DLG2: variants seen among roughly 807,000 people sequenced by gnomAD.
DLG2 encodes discs large MAGUK scaffold protein 2.
In DLG2, 45 loss-of-function variants were observed where a neutral mutation model predicts 132.5. The observed-to-expected ratio is 0.34, with a 90% CI of 0.27 to 0.44. The LOEUF is 0.44. Ranked by LOEUF, DLG2 falls within the 20% of genes least tolerant of loss-of-function variation. The pLI is 1.00. For missense variants in DLG2, 1,045 were observed against 1,196.9 expected (o/e 0.87, Z 1.87); for synonymous variants, 424 against 419.6 (o/e 1.01, Z -0.13).
chr11:85,527,306 C>T (rs2074844989), intron 3 of DLG2, among the ~76,000 whole-genome samples: 1 of 151,826 alleles, frequency 6.6e-6, no homozygotes, highest in Non-Finnish European at 1.5e-5. Context: ...TTTTAAGCCC[C>T]ACATGCATTA....
intron 6 of DLG2, among the ~76,000 whole-genome samples, chr11:85,094,972 A>T (rs2069477477): frequency 6.6e-6 from 1 of 152,182 alleles, no homozygotes; most frequent in Admixed American, 6.5e-5. Flanking sequence ...GGCCATTGTA[A>T]GGTTATTACC....
chr11:84,809,117 C>T (rs559075253), intron 6 of DLG2, among the ~76,000 whole-genome samples: 6 of 152,032 alleles, frequency 3.9e-5, no homozygotes, highest in Non-Finnish European at 8.8e-5. Flanking sequence ...TCCAAGCATG[C>T]AAGACTGCTT....
chr11:84,120,656 TA>T (rs2093866714), intron 9 of DLG2, among the ~76,000 whole-genome samples: 1 of 152,180 alleles, frequency 6.6e-6, no homozygotes, highest in Non-Finnish European at 1.5e-5. Context: ...TTTCCTTCAT[TA>T]AAAATTAATC....
At chr11:83,762,752 T>A (rs972092912) in intron 18 of DLG2, among the ~76,000 whole-genome samples, 1 of 152,112 alleles carries the variant, frequency 6.6e-6, no homozygotes, top group African/African-American at 2.4e-5. Context: ...GGCTAATTTT[T>A]TTGTATTTTT....
At chr11:85,154,371 T>C (rs1440045270) in intron 5 of DLG2, among the ~76,000 whole-genome samples, 185 bp downstream of exon 5, 1 of 152,126 alleles carries the variant, frequency 6.6e-6, no homozygotes, top group Non-Finnish European at 1.5e-5. Flanking sequence ...ACACAACTAC[T>C]CAACGTGATA....
rs200358409 is a variant in DLG2 at position 85,285,340 on chromosome 11, T to C, written c.66A>G (p.Thr22=). The C allele has an allele frequency of 2.6e-5, 42 of 1,611,140 alleles. No individual in the cohort carries two copies. In the South Asian group the frequency reaches 4.5e-4, roughly 17 times the overall value. ...LLDIQEFYEV[T]LLNSQKSCEQ... is the part of the protein sequence containing the mutation. ...CACAACTTTTTTGAGAATTTAGCAA[T>C]GTCACCTCATAAAATTCTTGGATAT... Residue 22 remains threonine, a synonymous_variant, in exon 4 of 28, where the codon ACA becomes ACG. Coordinates refer to ENST00000376104, the MANE Select transcript of DLG2 (RefSeq NM_001142699.3).
intron 6 of DLG2, among the ~76,000 whole-genome samples, chr11:84,657,445 G>A (rs1280629163): frequency 6.6e-6 from 1 of 152,084 alleles, no homozygotes; most frequent in Non-Finnish European, 1.5e-5. Context: ...CAGCTCTATG[G>A]CCTACACATT....
chr11:84,055,498 C>T (rs1474118511), intron 11 of DLG2, among the ~76,000 whole-genome samples: 1 of 151,998 alleles, frequency 6.6e-6, no homozygotes, highest in Non-Finnish European at 1.5e-5. Context: ...TGATCTGGCC[C>T]TTGCTCATCT....
intron 11 of DLG2, among the ~76,000 whole-genome samples, chr11:84,031,663 T>C (rs1566120076): frequency 6.6e-6 from 1 of 152,220 alleles, no homozygotes; most frequent in Non-Finnish European, 1.5e-5. Flanking sequence ...CAATAGGTGC[T>C]TCATATGTAT....
At chr11:84,884,278 T>C (rs1373776248) in intron 6 of DLG2, among the ~76,000 whole-genome samples, 1 of 152,024 alleles carries the variant, frequency 6.6e-6, no homozygotes, top group Non-Finnish European at 1.5e-5. Context: ...ATAGGCTCAC[T>C]TTATCTTTAG....
chr11:85,316,934 A>G (rs2080722154), intron 3 of DLG2, among the ~76,000 whole-genome samples: 1 of 110,564 alleles, frequency 9.0e-6, no homozygotes, highest in Non-Finnish European at 2.0e-5. Context: ...AAATAAATCA[A>G]AACTGTAGTA....
At chr11:84,031,371 G>T (rs1048325299) in intron 11 of DLG2, among the ~76,000 whole-genome samples, 1 of 152,072 alleles carries the variant, frequency 6.6e-6, no homozygotes, top group Non-Finnish European at 1.5e-5. Context: ...TCAAATAAGG[G>T]TTCATAGTTT....
At chr11:83,930,599 T>A in intron 14 of DLG2, 116 bp from the exon 15 acceptor site, 2 of 1,118,232 alleles carry the variant, frequency 1.8e-6, no homozygotes, top group Middle Eastern at 2.1e-4. Flanking sequence ...TTTATCTTGA[T>A]TTGTTACTAA....
intron 9 of DLG2, among the ~76,000 whole-genome samples, chr11:84,112,854 T>C (rs907735120): frequency 6.6e-6 from 1 of 152,206 alleles, no homozygotes; most frequent in Middle Eastern, 3.2e-3. Flanking sequence ...GTTCAGATTC[T>C]AGCTTTACTA....
chr11:83,879,970 G>A lies in DLG2; in HGVS notation c.1497-5482C>T, dbSNP rs1345333190. On this transcript the variant is annotated intron_variant, in intron 15 of 27. Coordinates refer to ENST00000376104, the MANE Select transcript of DLG2 (RefSeq NM_001142699.3). Reference sequence around the variant, plus strand: ...GAATATATAAGTATTTTAAAGGATGGTGAAGGAAAACAAGACATTTTGAGA... The same window carrying A: ...GAATATATAAGTATTTTAAAGGATGATGAAGGAAAACAAGACATTTTGAGA... Among the ~76,000 whole-genome samples the A allele has an allele frequency of 3.3e-5, 5 of 152,146 alleles. No individual in the cohort carries two copies. The East Asian group carries it at 9.6e-4, about 29-fold the overall frequency.
At chr11:83,594,577 G>T (rs930114711) in intron 19 of DLG2, among the ~76,000 whole-genome samples, 1 of 152,126 alleles carries the variant, frequency 6.6e-6, no homozygotes, top group East Asian at 1.9e-4. Context: ...AGCAATCAAG[G>T]TTTATATTAA....
At chr11:84,789,298 T>C (rs2073435489) in intron 6 of DLG2, among the ~76,000 whole-genome samples, 1 of 152,198 alleles carries the variant, frequency 6.6e-6, no homozygotes, top group Non-Finnish European at 1.5e-5. Context: ...CCTAAAGTTA[T>C]GTACAGCACT....
At chr11:84,810,307 A>G (rs1391921330) in intron 6 of DLG2, among the ~76,000 whole-genome samples, 2 of 152,144 alleles carry the variant, frequency 1.3e-5, no homozygotes, top group Non-Finnish European at 2.9e-5. Flanking sequence ...ATAGGAAGAG[A>G]TATTTCACCA....
At chr11:84,830,577 C>T (rs916363044) in intron 6 of DLG2, among the ~76,000 whole-genome samples, 2 of 151,450 alleles carry the variant, frequency 1.3e-5, no homozygotes, top group African/African-American at 4.8e-5. Flanking sequence ...CCAAGTGACT[C>T]CAATATGCAA....
Sources: allele counts gnomAD v4.1 joint callset (sites outside exome capture counted in the v4.1 genomes callset), GRCh38; gene constraint gnomAD v4.1.1; transcripts MANE v1.5; gene names NCBI Gene and HGNC (gene_info 2026-07-23, HGNC 2026-07-21).